The following PDE6G variants were observed in gnomAD, a reference collection of about 807,000 sequenced individuals.
PDE6G encodes the protein rod cGMP 3',5'-cyclic phosphodiesterase subunit gamma.
In PDE6G, 10 loss-of-function variants were observed where a neutral mutation model predicts 10.9. The observed-to-expected ratio is 0.91, with a 90% CI of 0.56 to 1.55. The LOEUF (loss-of-function observed/expected upper bound fraction) is 1.55, where lower values mean the gene tolerates loss of function less well. Ranked by LOEUF, PDE6G falls within the 40% of genes most tolerant of loss-of-function variation. The pLI is 0.00. For missense variants in PDE6G, 102 were observed against 110.1 expected (o/e 0.93, Z 0.33); for synonymous variants, 41 against 42.8 (o/e 0.96, Z 0.16).
chr17:81,654,119 C>G (rs913600127), intron 1 of PDE6G, among the ~76,000 whole-genome samples: 2 of 151,668 alleles, frequency 1.3e-5, no homozygotes, highest in African/African-American at 4.8e-5. Flanking sequence ...CCCGGCCCAG[C>G]TGCTACTCTG....
rs538469909 is a variant in PDE6G at position 81,650,570 on chromosome 17, G to A, written c.*504C>T. ...GGGGCCTCATCTGCTCACCGTGCAC[G>A]CCCTGGAGTCCTGCTACCCAGCATG... is the stretch of plus-strand genomic sequence containing the variant. On this transcript the variant is annotated 3_prime_UTR_variant, in exon 4 of 4. Transcript: ENST00000331056. 7.9e-5 allele frequency: 36 copies of A among 454,212 alleles called. No individual in the cohort carries two copies. Among genetic ancestry groups the A allele is most frequent in the African/African-American group, 2.0e-4 (10 of 50,126 alleles). The allele number at this position is 454,212 out of a possible 1,614,324, so 28.1% of individuals were successfully genotyped here.
intron 1 of PDE6G, among the ~76,000 whole-genome samples, chr17:81,662,663 T>C (rs1479122789): frequency 6.6e-6 from 1 of 152,162 alleles, no homozygotes; most frequent in Non-Finnish European, 1.5e-5. Context: ...CTGTCTCAGA[T>C]ACTTTTGGTT....
chr17:81,653,740 T>G lies in PDE6G; in HGVS notation c.-59-376A>C. The G allele has an allele frequency of 1.1e-5, 2 of 190,036 alleles. No homozygotes were observed. The highest frequency in any genetic ancestry group is 2.2e-5 in the Non-Finnish European group (2 of 90,210). The allele number at this position is 190,036 out of a possible 1,614,324, so 11.8% of individuals were successfully genotyped here. On this transcript the variant is annotated intron_variant, in intron 1 of 3. Coordinates refer to ENST00000331056, the MANE Select transcript of PDE6G (RefSeq NM_002602.4). The surrounding 1 kb of genome is among the most constrained non-coding windows in gnomAD (Gnocchi z 5.2). ...GTGACCACTGACAACTTCCTGCCCC[T>G]TCCCCTGCGTTCCCCACCCCAGGGA...
chr17:81,653,176 T>G lies in PDE6G; in HGVS notation c.130A>C (p.Lys44Gln), dbSNP rs2036390260. The G allele has an allele frequency of 3.7e-6, 6 of 1,613,976 alleles. No homozygotes were observed. Among genetic ancestry groups the G allele is most frequent in the Non-Finnish European group, 4.2e-6 (5 of 1,179,944 alleles). ...TCTGCTTACCCTTGAACGCCTTTCT[T>G]TGGGGGCTTGCTCTTGAACTGCCTG... ...QTRQFKSKPP[K>Q]KGVQGFGDDI... Residue 44 changes from lysine to glutamine, a missense_variant, in exon 2 of 4, where the codon AAG becomes CAG. Transcript: ENST00000331056. The surrounding 1 kb of genome is among the most constrained non-coding windows in gnomAD (Gnocchi z 5.2).
At chr17:81,656,120 C>A (rs957429694) in intron 1 of PDE6G, among the ~76,000 whole-genome samples, 1 of 152,206 alleles carries the variant, frequency 6.6e-6, no homozygotes, top group Non-Finnish European at 1.5e-5. Flanking sequence ...TCCTGGGCAG[C>A]TCTGGGCCCT....
rs776386627 is a variant in PDE6G, at chr17:81,651,019, G to T, written c.*55C>A. 8.4e-6 allele frequency: 11 copies of T among 1,316,806 alleles called. No individual in the cohort carries two copies. The highest frequency in any genetic ancestry group is 1.2e-5 in the Non-Finnish European group (11 of 909,292). 81.6% of individuals were successfully genotyped at this position (1,316,806 alleles called of 1,614,324 possible). A position where few individuals can be genotyped will look rare whatever the true frequency, so the allele number is the denominator to read the frequency against. The stretch of plus-strand genomic sequence containing the variant: ...CTCCTCAACAGGAATCCTGAGCAGG[G>T]TTTAGAGCACAGTGGGCAGGAGGGG... On this transcript the variant is annotated 3_prime_UTR_variant, in exon 4 of 4. Transcript: ENST00000331056. This position sits in a 1 kb window ranked among gnomAD's most constrained non-coding sequence, Gnocchi z 4.8.
rs2036361732 is a variant in PDE6G, at chr17:81,651,870, C to G, written c.147-185G>C. 6.6e-6 allele frequency among the ~76,000 whole-genome samples: 1 copy of G among 152,176 alleles called. No individual in the cohort carries two copies. The highest frequency in any genetic ancestry group is 2.1e-4 in the South Asian group (1 of 4,830). Reference sequence around the variant, plus strand: ...ATCTGAGGAGGCTTCCCTCACAGACCCAGGGTGAGTCTGCTGCCCAGAGCA... The same window carrying G: ...ATCTGAGGAGGCTTCCCTCACAGACGCAGGGTGAGTCTGCTGCCCAGAGCA... On this transcript the variant is annotated intron_variant, in intron 2 of 3. Transcript: ENST00000331056. This position sits in a 1 kb window ranked among gnomAD's most constrained non-coding sequence, Gnocchi z 4.8.
At chr17:81,657,850 G>A (rs554218427), upstream of PDE6G, among the ~76,000 whole-genome samples, 2 of 151,626 alleles carry the variant, frequency 1.3e-5, no homozygotes, top group Non-Finnish European at 2.9e-5. Flanking sequence ...CACCGCACTA[G>A]AGCCTGGGCG....
In PDE6G at chr17:81,653,689, C is replaced by T. The variant is rs555153781; in HGVS notation, c.-59-325G>A. On this transcript the variant is annotated intron_variant, in intron 1 of 3. Coordinates refer to ENST00000331056, the MANE Select transcript of PDE6G (RefSeq NM_002602.4). This position sits in a 1 kb window ranked among gnomAD's most constrained non-coding sequence, Gnocchi z 5.2. ...TCCCAACCTGTGGCAGGTCCTGAGC[C>T]TGGAGTCCTCACCACCTCCCTGTGG... is the stretch of plus-strand genomic sequence containing the variant. The T allele has an allele frequency of 5.6e-4, 167 of 297,286 alleles. No individual in the cohort carries two copies. The highest frequency in any genetic ancestry group is 3.5e-3 in the African/African-American group (163 of 46,872). The allele number at this position is 297,286 out of a possible 1,614,324, so 18.4% of individuals were successfully genotyped here. A position where few individuals can be genotyped will look rare whatever the true frequency, so the allele number is the denominator to read the frequency against.
chr17:81,659,856 G>A (rs1332685521), upstream of PDE6G, among the ~76,000 whole-genome samples: 1 of 152,172 alleles, frequency 6.6e-6, no homozygotes, highest in Non-Finnish European at 1.5e-5. Context: ...GGAGGCCAAG[G>A]TGGGCGGATC....
At chr17:81,661,884 AGCCGG>A (rs2036515606) in intron 1 of PDE6G, among the ~76,000 whole-genome samples, 1 of 140,456 alleles carries the variant, frequency 7.1e-6, no homozygotes, top group Non-Finnish European at 1.5e-5. Context: ...AAAAAAAATC[AGCCGG>A]GCATGGTGGC....
chr17:81,654,243 G>A (rs1029203971), intron 1 of PDE6G, among the ~76,000 whole-genome samples: 6 of 152,100 alleles, frequency 3.9e-5, no homozygotes, highest in Non-Finnish European at 4.4e-5. Context: ...TCAAGTTCCC[G>A]CTCAGGGAGG....
intron 2 of PDE6G, among the ~76,000 whole-genome samples, chr17:81,652,433 C>T (rs960471933): frequency 1.3e-5 from 2 of 152,004 alleles, no homozygotes; most frequent in African/African-American, 4.8e-5. Flanking sequence ...CCCGCCACCA[C>T]GCCCGGCTAA....
At position 81,651,318 on chromosome 17, in the gene PDE6G, G is replaced by A. The variant is rs2036350719; in HGVS notation, c.188-168C>T. 6.6e-6 allele frequency among the ~76,000 whole-genome samples: 1 copy of A among 152,102 alleles called. No homozygotes were observed. The highest frequency in any genetic ancestry group is 1.5e-5 in the Non-Finnish European group (1 of 68,000). ...CTCTGGGGACACACTGGCTGTGGGG[G>A]AAGGAGGGTGGGTGCAGCAGGTCCA... is the stretch of plus-strand genomic sequence containing the variant. On this transcript the variant is annotated intron_variant, in intron 3 of 3. Transcript: ENST00000331056. This position sits in a 1 kb window ranked among gnomAD's most constrained non-coding sequence, Gnocchi z 4.8.
At chr17:81,654,377 T>TTA (rs1433566811) in intron 1 of PDE6G, among the ~76,000 whole-genome samples, 10 of 123,212 alleles carry the variant, frequency 8.1e-5, no homozygotes, top group African/African-American at 3.3e-4. Context: ...TGCCCTCTGA[T>TTA]TCTTTTTTTT....
At chr17:81,652,196 C>T (rs7406828) in intron 2 of PDE6G, among the ~76,000 whole-genome samples, 66,151 of 150,982 alleles carry the variant, frequency 0.44, 15,533 homozygotes, top group East Asian at 0.78. Flanking sequence ...CTGATGGGAG[C>T]GAGATGCCCG....
chr17:81,657,885 G>T, upstream of PDE6G, among the ~76,000 whole-genome samples: 1 of 122,660 alleles, frequency 8.2e-6, no homozygotes, highest in East Asian at 3.2e-4. Context: ...TGTTTCAAAT[G>T]AATAAATAAA....
Position 81,651,817 on chromosome 17 carries a change from T to G in PDE6G, c.147-132A>C. 2 of 937,944 alleles carry G rather than the reference T, an allele frequency of 2.1e-6. No homozygotes were observed. The highest frequency in any genetic ancestry group is 3.4e-6 in the Non-Finnish European group (2 of 595,980). 58.1% of individuals were successfully genotyped at this position (937,944 alleles called of 1,614,324 possible). ...GGAGCCCAGTGGGCAGAGACCCGCC[T>G]CCTCCCCAACCTCCCAGGGCTTGGC... On this transcript the variant is annotated intron_variant, in intron 2 of 3. Transcript: ENST00000331056. This position sits in a 1 kb window ranked among gnomAD's most constrained non-coding sequence, Gnocchi z 4.8.
upstream of PDE6G, among the ~76,000 whole-genome samples, chr17:81,659,471 C>T (rs1387760841): frequency 1.3e-5 from 2 of 150,720 alleles, no homozygotes; most frequent in East Asian, 2.0e-4. Context: ...TGGTGGCGGG[C>T]GCCTGTAGTC....
Sources: allele counts gnomAD v4.1 joint callset (sites outside exome capture counted in the v4.1 genomes callset), GRCh38; gene constraint gnomAD v4.1.1; non-coding constraint Gnocchi (gnomAD v3.1); transcripts MANE v1.5; gene names NCBI Gene and HGNC (gene_info 2026-07-23, HGNC 2026-07-21).